Variants in CAV3 observed in about 807,000 individuals in gnomAD.
CAV3 encodes caveolin-3.
CAV3 carries 10 observed loss-of-function variants against 13.4 expected under a neutral mutation model. The observed-to-expected ratio is 0.75, with a 90% CI of 0.46 to 1.27. The LOEUF (loss-of-function observed/expected upper bound fraction) is 1.27, where lower values mean the gene tolerates loss of function less well. Ranked by LOEUF, CAV3 falls within the 50% of genes most tolerant of loss-of-function variation. The pLI is 0.00. For synonymous variants in CAV3, 90 were observed against 79.0 expected (o/e 1.14, Z -0.74); for missense variants, 162 against 194.0 (o/e 0.83, Z 0.98).
At chr3:8,737,534 T>G (rs1395893240) in intron 1 of CAV3, among the ~76,000 whole-genome samples, 2 of 152,112 alleles carry the variant, frequency 1.3e-5, no homozygotes, top group Non-Finnish European at 2.9e-5. Context: ...CCCTGTATAC[T>G]CCAACAGACT....
chr3:8,739,550 G>GCAGA (rs974104526), intron 1 of CAV3, among the ~76,000 whole-genome samples: 20 of 151,194 alleles, frequency 1.3e-4, no homozygotes, highest in Admixed American at 2.0e-4. Flanking sequence ...AACCCAGGAG[G>GCAGA]CAGAGGTTGC....
chr3:8,743,308 C>T (rs561728623), intron 1 of CAV3, among the ~76,000 whole-genome samples: 1 of 152,222 alleles, frequency 6.6e-6, no homozygotes, highest in Non-Finnish European at 1.5e-5. Flanking sequence ...AGGATCCAGG[C>T]CCTGGGGGTT....
intron 1 of CAV3, among the ~76,000 whole-genome samples, chr3:8,744,445 A>ATTTTT (rs141816229): frequency 3.5e-4 from 39 of 111,362 alleles, no homozygotes; most frequent in Non-Finnish European, 4.3e-4. Context: ...TACCCGGCTA[A>ATTTTT]TTTTTTTTTT....
At chr3:8,744,275 A>ATTTTTTTT (rs35889837) in intron 1 of CAV3, among the ~76,000 whole-genome samples, 1 of 120,858 alleles carries the variant, frequency 8.3e-6, no homozygotes, top group African/African-American at 3.6e-5. Flanking sequence ...GACCAGTGGA[A>ATTTTTTTT]TTTTTTTTTT....
At chr3:8,734,060 G>C in intron 1 of CAV3, 70 bp downstream of exon 1, 2 of 828,880 alleles carry the variant, frequency 2.4e-6, no homozygotes, top group Non-Finnish European at 4.2e-6. Flanking sequence ...CTTGGCAGGG[G>C]AGGGTATCTG....
rs1060502315 is a variant in CAV3 at position 8,745,593 on chromosome 3, G to A, written c.182G>A (p.Ser61Asn). The A allele has an allele frequency of 1.9e-6, 3 of 1,614,070 alleles. No individual in the cohort carries two copies. Among genetic ancestry groups the A allele is most frequent in the Non-Finnish European group, 2.5e-6 (3 of 1,179,960 alleles). ...AGCTTTGACGGCGTGTGGAAGGTGA[G>A]CTACACCACCTTCACTGTCTCCAAG... ...TYSFDGVWKV[S>N]YTTFTVSKYW... The change falls in exon 2 of 2, where the codon AGC (serine) becomes AAC (asparagine). Residue 61 changes from serine (S) to asparagine (N), a missense_variant. By Grantham distance (46) the Ser-to-Asn change is conservative. Transcript: ENST00000343849. The surrounding 1 kb of genome is among the most constrained non-coding windows in gnomAD (Gnocchi z 4.8).
chr3:8,744,783 T>A (rs1467600585), intron 1 of CAV3: 1 of 152,232 alleles, frequency 6.6e-6, no homozygotes, highest in Non-Finnish European at 1.5e-5. Context: ...CATAAAACAA[T>A]AGAATTTGAG....
At chr3:8,734,108 C>CTGT (rs1286908256) in intron 1 of CAV3, 118 bp downstream of exon 1, 1 of 704,250 alleles carries the variant, frequency 1.4e-6, no homozygotes, top group Non-Finnish European at 2.6e-6. Context: ...ACTTGTTGCT[C>CTGT]TGTTGTCTCT....
rs1265791396 is a variant in CAV3 at position 8,733,843 on chromosome 3, C to T, written c.-34C>T. The stretch of plus-strand genomic sequence containing the variant: ...TTCAGCCCCAGCCGGCCACACAGCT[C>T]GGATCTCCTCCTGTGGATCCCCCCA... On this transcript the variant is annotated 5_prime_UTR_variant, in exon 1 of 2. Coordinates refer to ENST00000343849, the MANE Select transcript of CAV3 (RefSeq NM_033337.3). 8.1e-6 allele frequency: 11 copies of T among 1,353,408 alleles called. No homozygotes were observed. Among genetic ancestry groups the T allele is most frequent in the South Asian group, 5.8e-5 (5 of 85,546 alleles). The allele number at this position is 1,353,408 out of a possible 1,614,324, so 83.8% of individuals were successfully genotyped here.
chr3:8,738,636 T>C (rs6777061), intron 1 of CAV3, among the ~76,000 whole-genome samples: 14,227 of 152,146 alleles, frequency 0.094, 888 homozygotes, highest in Non-Finnish European at 0.14. Context: ...CCATGGTGCA[T>C]CATAAAAATG....
chr3:8,737,904 C>T (rs1707813730), intron 1 of CAV3, among the ~76,000 whole-genome samples: 1 of 152,100 alleles, frequency 6.6e-6, no homozygotes, highest in Non-Finnish European at 1.5e-5. Flanking sequence ...TACCTCAGCA[C>T]CTCAGAGCCA....
At chr3:8,734,546 G>A (rs891407200) in intron 1 of CAV3, among the ~76,000 whole-genome samples, 1 of 152,048 alleles carries the variant, frequency 6.6e-6, no homozygotes, top group East Asian at 1.9e-4. Context: ...TAGTGGCCAG[G>A]ACAGGGCAGA....
rs758815809 is a variant in CAV3, at chr3:8,733,812, A to G, written c.-65A>G. 1 of 965,144 alleles carries G rather than the reference A, an allele frequency of 1.0e-6. No homozygotes were observed. The highest frequency in any genetic ancestry group is 1.7e-6 in the Non-Finnish European group (1 of 598,498). 59.8% of individuals were successfully genotyped at this position (965,144 alleles called of 1,614,324 possible). On this transcript the variant is annotated 5_prime_UTR_variant, in exon 1 of 2. Transcript: ENST00000343849. ...ACACTGAATTGGTCTCTCTGCCCCA[A>G]GTATTTTCAGCCCCAGCCGGCCACA...
In CAV3 at chr3:8,743,441, T is replaced by A. The variant is rs547314278; in HGVS notation, c.115-2085T>A. Among the ~76,000 whole-genome samples the A allele has an allele frequency of 2.7e-4, 41 of 152,084 alleles. 1 individual carries two copies. The highest frequency in any genetic ancestry group is 3.4e-3 in the Middle Eastern group (1 of 294). On this transcript the variant is annotated intron_variant, in intron 1 of 1. Transcript: ENST00000343849. ...GGAAGCCCTCCAAGAAGAAGTAACA[T>A]CCTTCCTGAGAAGATGAGGCCCATT...
In CAV3 at chr3:8,745,523, C is replaced by A. The variant is rs756199256; in HGVS notation, c.115-3C>A. 1.9e-6 allele frequency: 3 copies of A among 1,612,734 alleles called. No individual in the cohort carries two copies. The South Asian group carries it at 3.3e-5, about 18-fold the overall frequency. On this transcript the variant is annotated splice_region_variant and splice_polypyrimidine_tract_variant and intron_variant, in intron 1 of 1. Coordinates refer to ENST00000343849, the MANE Select transcript of CAV3 (RefSeq NM_033337.3). This position sits in a 1 kb window ranked among gnomAD's most constrained non-coding sequence, Gnocchi z 4.8. Reference sequence around the variant, plus strand: ...TTGAGGCTTCCCCTTGCCACCCCTGCAGGTGGATTTTGAAGACGTGATCGC... The same window carrying A: ...TTGAGGCTTCCCCTTGCCACCCCTGAAGGTGGATTTTGAAGACGTGATCGC...
rs944503745 is a variant in CAV3, at chr3:8,745,721, G to C, written c.310G>C (p.Val104Leu). The C allele has an allele frequency of 1.2e-6, 2 of 1,614,054 alleles. No individual in the cohort carries two copies. The highest frequency in any genetic ancestry group is 2.7e-5 in the African/African-American group (2 of 74,930). Reference protein sequence around the residue: ...CISFCHIWAVVPCIKSYLIEI... With the variant: ...CISFCHIWAVLPCIKSYLIEI... ...CTCCTTCTGCCACATCTGGGCGGTG[G>C]TGCCATGCATTAAGAGCTACCTGAT... The change falls in exon 2 of 2, where the codon GTG (valine) becomes CTG (leucine). Residue 104 changes from valine (V) to leucine (L), a missense_variant. Val to Leu is a conservative substitution (Grantham distance 32, BLOSUM62 1). Transcript: ENST00000343849. The surrounding 1 kb of genome is among the most constrained non-coding windows in gnomAD (Gnocchi z 4.8).
intron 1 of CAV3, among the ~76,000 whole-genome samples, chr3:8,744,190 T>C (rs142235203): frequency 0.01 from 1,586 of 152,184 alleles, 7 homozygotes; most frequent in Middle Eastern, 0.031. Flanking sequence ...AACCTCCCAC[T>C]TGGCGGGCTG....
At chr3:8,741,402 A>C (rs1707953908) in intron 1 of CAV3, among the ~76,000 whole-genome samples, 1 of 152,184 alleles carries the variant, frequency 6.6e-6, no homozygotes, top group African/African-American at 2.4e-5. Flanking sequence ...ACTGATTGTG[A>C]ACTGCCTTTT....
At position 8,745,677 on chromosome 3, in the gene CAV3, G is replaced by A. The variant is rs1575477762; in HGVS notation, c.266G>A (p.Gly89Asp). 1 of 1,614,166 alleles carries A rather than the reference G, an allele frequency of 6.2e-7. No homozygotes were observed. Among genetic ancestry groups the A allele is most frequent in the Non-Finnish European group, 8.5e-7 (1 of 1,180,022 alleles). The change falls in exon 2 of 2, where the codon GGC becomes GAC. Residue 89 changes from glycine to aspartate, a missense_variant. Coordinates refer to ENST00000343849, the MANE Select transcript of CAV3 (RefSeq NM_033337.3). The surrounding 1 kb of genome is among the most constrained non-coding windows in gnomAD (Gnocchi z 4.8). ...LLGVPLALLWGFLFACISFCH... is the reference protein window; with the variant it reads ...LLGVPLALLWDFLFACISFCH... ...GGCGTCCCACTGGCCCTGCTCTGGGGCTTCCTGTTCGCCTGCATCTCCTTC... is the reference window on the plus strand; with the variant it reads ...GGCGTCCCACTGGCCCTGCTCTGGGACTTCCTGTTCGCCTGCATCTCCTTC...
Sources: allele counts gnomAD v4.1 joint callset (sites outside exome capture counted in the v4.1 genomes callset), GRCh38; gene constraint gnomAD v4.1.1; non-coding constraint Gnocchi (gnomAD v3.1); transcripts MANE v1.5; gene names NCBI Gene and HGNC (gene_info 2026-07-23, HGNC 2026-07-21).